CECR2: variants seen among roughly 807,000 people sequenced by gnomAD.
The protein encoded by CECR2 is CECR2 histone acetyl-lysine reader.
Under a neutral mutation model 154.5 loss-of-function variants are expected in CECR2, and 30 were observed. The ratio of observed to expected loss-of-function variants is 0.19; its 90% CI spans 0.15 to 0.26. The LOEUF (loss-of-function observed/expected upper bound fraction) is 0.26. Among genes scored for constraint, CECR2 ranks in the 10% least tolerant of loss-of-function variants. CECR2 has a pLI of 1.00. For synonymous variants in CECR2, 725 were observed against 683.7 expected (o/e 1.06, Z -0.94); for missense variants, 1,743 against 1,829.3 (o/e 0.95, Z 0.86).
At chr22:17,528,365 A>T (rs2056299495) in intron 9 of CECR2, among the ~76,000 whole-genome samples, 1 of 152,194 alleles carries the variant, frequency 6.6e-6, no homozygotes, top group Non-Finnish European at 1.5e-5. Context: ...AAAATAATTG[A>T]ACCCGTGGAG....
chr22:17,403,285 A>G (rs774481614), intron 1 of CECR2, among the ~76,000 whole-genome samples: 3 of 149,080 alleles, frequency 2.0e-5, no homozygotes, highest in East Asian at 1.9e-4. Flanking sequence ...TGGTACTGCC[A>G]TTGTTTGGCT....
Position 17,524,191 on chromosome 22 carries a change from C to T in CECR2, c.1028C>T (p.Ala343Val). Reference protein sequence around the residue: ...EEEEERQILLAVQKKEQEQML... With the variant: ...EEEEERQILLVVQKKEQEQML... ...GAAGAAGAGCGTCAGATTCTTCTAG[C>T]AGTGCAGAAGAAGGAGCAGGAGCAG... Residue 343 changes from alanine (A) to valine (V), a missense_variant, in exon 9 of 19, where the codon GCA (alanine) becomes GTA (valine). Ala to Val is a moderately conservative substitution (Grantham distance 64). Around this residue, in one of 4 missense-constraint regions of CECR2, gnomAD observed 292 missense variants for 301.2 expected, o/e 0.97. Coordinates refer to ENST00000262608, the MANE Select transcript of CECR2 (RefSeq NM_001290047.2). 1 of 1,608,508 alleles carries T rather than the reference C, an allele frequency of 6.2e-7. No individual in the cohort carries two copies. Among genetic ancestry groups the T allele is most frequent in the Non-Finnish European group, 8.5e-7 (1 of 1,177,610 alleles).
chr22:17,387,655 A>G (rs970600956), intron 1 of CECR2, among the ~76,000 whole-genome samples: 2 of 152,168 alleles, frequency 1.3e-5, no homozygotes, highest in African/African-American at 4.8e-5. Flanking sequence ...TGTAAACACA[A>G]GATCGTACTT....
At chr22:17,430,931 T>C (rs1302325026) in intron 1 of CECR2, among the ~76,000 whole-genome samples, 1 of 152,194 alleles carries the variant, frequency 6.6e-6, no homozygotes, top group Non-Finnish European at 1.5e-5. Flanking sequence ...AGATTAACTC[T>C]GTTAGTTTTA....
chr22:17,494,935 C>T (rs543358119), intron 2 of CECR2, among the ~76,000 whole-genome samples: 35 of 151,692 alleles, frequency 2.3e-4, no homozygotes, highest in African/African-American at 8.0e-4. Context: ...CCTCGTGATC[C>T]GCCCACCTCG....
chr22:17,468,669 G>T (rs1262259687), intron 1 of CECR2, among the ~76,000 whole-genome samples: 1 of 152,042 alleles, frequency 6.6e-6, no homozygotes, highest in Non-Finnish European at 1.5e-5. Context: ...CAAGAACCCT[G>T]TCTCTCCAAA....
At chr22:17,512,902 T>A (rs1274397257) in intron 8 of CECR2, among the ~76,000 whole-genome samples, 1 of 152,096 alleles carries the variant, frequency 6.6e-6, no homozygotes, top group Non-Finnish European at 1.5e-5. Flanking sequence ...ATAATCACAT[T>A]TCTTCTAAGA....
At chr22:17,382,921 C>G (rs1186818703) in intron 1 of CECR2, among the ~76,000 whole-genome samples, 1 of 150,918 alleles carries the variant, frequency 6.6e-6, no homozygotes, top group African/African-American at 2.4e-5. Flanking sequence ...AACAAAACAA[C>G]TATTACTTAA....
At chr22:17,475,441 A>G (rs1384156384) in intron 1 of CECR2, among the ~76,000 whole-genome samples, 1 of 151,948 alleles carries the variant, frequency 6.6e-6, no homozygotes, top group African/African-American at 2.4e-5. Context: ...TTCTGGACCT[A>G]GTTTATCTTG....
At chr22:17,364,642 C>T (rs1361061675), upstream of CECR2, among the ~76,000 whole-genome samples, 1 of 151,800 alleles carries the variant, frequency 6.6e-6, no homozygotes, top group East Asian at 2.0e-4. Context: ...TTCGGAGTTC[C>T]AGACCAGCCT....
At chr22:17,420,212 C>T (rs2054224873) in intron 1 of CECR2, among the ~76,000 whole-genome samples, 1 of 152,212 alleles carries the variant, frequency 6.6e-6, no homozygotes, top group Admixed American at 6.5e-5. Flanking sequence ...CCATTTCAGG[C>T]AGCATAAGTA....
chr22:17,435,384 A>G (rs2054488382), intron 1 of CECR2, among the ~76,000 whole-genome samples: 1 of 152,114 alleles, frequency 6.6e-6, no homozygotes, highest in African/African-American at 2.4e-5. Flanking sequence ...TAAGACTCAG[A>G]CCTTGGCAGA....
intron 1 of CECR2, among the ~76,000 whole-genome samples, chr22:17,404,509 G>A (rs553527582): frequency 1.4e-5 from 2 of 138,640 alleles, no homozygotes; most frequent in Admixed American, 1.4e-4. Flanking sequence ...CAGTAGCTGG[G>A]ACTACAGGCG....
chr22:17,434,506 G>A (rs1021687870), intron 1 of CECR2, among the ~76,000 whole-genome samples: 3 of 152,172 alleles, frequency 2.0e-5, no homozygotes, highest in East Asian at 3.9e-4. Flanking sequence ...CCTTCTTCAC[G>A]GGCAACTTAA....
chr22:17,389,275 T>C (rs1320514125), intron 1 of CECR2, among the ~76,000 whole-genome samples: 1 of 152,204 alleles, frequency 6.6e-6, no homozygotes, highest in Non-Finnish European at 1.5e-5. Flanking sequence ...TCTTCATAGT[T>C]ACTTTTTGTT....
chr22:17,554,229 CTT>C lies in CECR2; in HGVS notation c.*1392_*1393del, dbSNP rs145028626. On this transcript the variant is annotated 3_prime_UTR_variant, in exon 19 of 19. Coordinates refer to ENST00000262608, the MANE Select transcript of CECR2 (RefSeq NM_001290047.2). ...CCAAAGTTAGGACCCATGTTTTAAA[CTT>C]TTGAATATTCCACAAAAGAAAAAAC... The C allele has an allele frequency of 6.6e-6, 1 of 152,142 alleles. No individual in the cohort carries two copies. Among genetic ancestry groups the C allele is most frequent in the Admixed American group, 6.5e-5 (1 of 15,276 alleles). 9.4% of individuals were successfully genotyped at this position (152,142 alleles called of 1,614,324 possible). A position where few individuals can be genotyped will look rare whatever the true frequency, so the allele number is the denominator to read the frequency against.
intron 9 of CECR2, 111 bp from the exon 10 acceptor site, chr22:17,536,992 C>T: frequency 7.5e-7 from 1 of 1,334,770 alleles, no homozygotes; most frequent in Non-Finnish European, 1.0e-6. Context: ...GAAGTTGCTT[C>T]ATAATCCTGC....
intron 8 of CECR2, among the ~76,000 whole-genome samples, chr22:17,517,872 C>T (rs1273292649): frequency 6.6e-6 from 1 of 152,178 alleles, no homozygotes; most frequent in Non-Finnish European, 1.5e-5. Context: ...ACCTTTAAAA[C>T]ACTTCTCTAG....
At chr22:17,419,707 GCTAGAGA>G in intron 1 of CECR2, 2 of 188,002 alleles carry the variant, frequency 1.1e-5, no homozygotes, top group Admixed American at 6.3e-5. Flanking sequence ...GCGAGCTGGA[GCTAGAGA>G]GCTGATGGAT....
Sources: gnomAD v4.1 joint callset for allele counts (sites outside exome capture counted in the v4.1 genomes callset) on GRCh38, gnomAD v4.1.1 for gene constraint, gnomAD v4.1.1 regional missense constraint, MANE v1.5 for transcripts, NCBI Gene and HGNC (gene_info 2026-07-23, HGNC 2026-07-21) for gene names.